Variants in UNC79 observed in about 807,000 individuals in gnomAD.
The protein encoded by UNC79 is protein unc-79 homolog.
In UNC79, 37 loss-of-function variants were observed where a neutral mutation model predicts 283.1. The observed-to-expected ratio is 0.13, with a 90% CI of 0.10 to 0.17. The LOEUF (loss-of-function observed/expected upper bound fraction) is 0.17, where lower values mean the gene tolerates loss of function less well. UNC79 is among the 10% of genes least tolerant of loss of function. UNC79 has a pLI of 1.00. For synonymous variants in UNC79, 1,107 were observed against 1,200.2 expected, an observed-to-expected ratio of 0.92 and a Z score of 1.61; for missense variants, 2,272 against 3,211.1, an observed-to-expected ratio of 0.71 and a Z score of 7.07.
At position 93,424,149 on chromosome 14, in the gene UNC79, C is replaced by G. The variant is rs572281240; in HGVS notation, c.-350-43522C>G. On this transcript the variant is annotated intron_variant, in intron 1 of 49. Transcript: ENST00000256339. ...CATTGATCATTAGATAAATGCAAAT[C>G]AAAACTACAATGAGATATCATCTCA... 7.9e-5 allele frequency among the ~76,000 whole-genome samples: 12 copies of G among 152,212 alleles called. No individual in the cohort carries two copies. The South Asian group carries it at 2.1e-3, about 26-fold the overall frequency.
chr14:93,551,758 T>A (rs2061913487), intron 14 of UNC79, among the ~76,000 whole-genome samples: 1 of 152,228 alleles, frequency 6.6e-6, no homozygotes, highest in South Asian at 2.1e-4. Context: ...AATGCTCTAG[T>A]GGGTGTGAGC....
chr14:93,666,444 C>G (rs752029893), intron 40 of UNC79, among the ~76,000 whole-genome samples: 1 of 151,942 alleles, frequency 6.6e-6, no homozygotes, highest in Non-Finnish European at 1.5e-5. Context: ...AAAGATATAC[C>G]AGACTAATAC....
intron 1 of UNC79, among the ~76,000 whole-genome samples, chr14:93,346,421 G>A (rs868821369): frequency 6.6e-6 from 1 of 152,228 alleles, no homozygotes; most frequent in Admixed American, 6.5e-5. Flanking sequence ...GCTGAGACAA[G>A]AGGATGGCTT....
chr14:93,476,195 G>A (rs763038358), intron 3 of UNC79, among the ~76,000 whole-genome samples: 18 of 152,064 alleles, frequency 1.2e-4, no homozygotes, highest in Non-Finnish European at 1.9e-4. Context: ...CACTAAGACC[G>A]GAGGCTGTGT....
chr14:93,583,189 C>T (rs1224546278), intron 20 of UNC79, among the ~76,000 whole-genome samples: 1 of 151,992 alleles, frequency 6.6e-6, no homozygotes. Context: ...AGTGTGGTGG[C>T]TCATGCCTGT....
Position 93,617,570 on chromosome 14 carries a change from C to G in UNC79, c.4224+266C>G, listed in dbSNP as rs1478894431. On this transcript the variant is annotated intron_variant, in intron 28 of 48. Coordinates refer to ENST00000555664, the Ensembl canonical transcript of UNC79. This position sits in a 1 kb window ranked among gnomAD's most constrained non-coding sequence, Gnocchi z 4.5. The stretch of plus-strand genomic sequence containing the variant: ...CTGATCAAGAACCTCTGTTTATACT[C>G]AGTCTTGTATTTTGTCTAAGTATTA... 6.6e-6 allele frequency among the ~76,000 whole-genome samples: 1 copy of G among 152,132 alleles called. No individual in the cohort carries two copies. Among genetic ancestry groups the G allele is most frequent in the African/African-American group, 2.4e-5 (1 of 41,440 alleles).
At chr14:93,704,856 A>C (rs2075764414) in intron 48 of UNC79, among the ~76,000 whole-genome samples, 190 bp downstream of exon 51, 1 of 152,076 alleles carries the variant, frequency 6.6e-6, no homozygotes, top group South Asian at 2.1e-4. Context: ...GGCAGCAGGA[A>C]CCATTGTCCT....
In UNC79 at chr14:93,690,291, A is replaced by G; in HGVS notation, c.7260A>G (p.Pro2420=). 1 of 1,613,648 alleles carries G rather than the reference A, an allele frequency of 6.2e-7. No individual in the cohort carries two copies. The highest frequency in any genetic ancestry group is 8.5e-7 in the Non-Finnish European group (1 of 1,179,788). The change falls in exon 45 of 49, where the codon CCA becomes CCG. Residue 2420 remains proline, a synonymous_variant. Coordinates refer to ENST00000555664, the Ensembl canonical transcript of UNC79. This position sits in a 1 kb window ranked among gnomAD's most constrained non-coding sequence, Gnocchi z 4.3. ...TTATTGTTATCCTGATTGGATTTCC[A>G]GAGCAATCAAAGGTAAGTGATTTCT...
intron 1 of UNC79, among the ~76,000 whole-genome samples, chr14:93,357,051 TTGTTTCCATGTGTACCCCA>T (rs2054100394): frequency 6.6e-6 from 1 of 152,168 alleles, no homozygotes; most frequent in Non-Finnish European, 1.5e-5. Context: ...TCTTGTTCCT[TTGTTTCCATGTGTACCCCA>T]TGTTTCACTC....
intron 1 of UNC79, among the ~76,000 whole-genome samples, chr14:93,340,456 AAAAAAAAAG>A (rs2053682124): frequency 6.7e-6 from 1 of 148,304 alleles, no homozygotes. Flanking sequence ...AAAAAAAAAA[AAAAAAAAAG>A]AAGGCCACCT....
intron 4 of UNC79, among the ~76,000 whole-genome samples, chr14:93,483,280 A>G (rs760604555): frequency 1.3e-5 from 2 of 152,132 alleles, no homozygotes; most frequent in African/African-American, 4.8e-5. Flanking sequence ...TGTCTACAGA[A>G]CTTCCTGTAA....
At chr14:93,576,798 A>C (rs750068192) in intron 17 of UNC79, among the ~76,000 whole-genome samples, 1 of 152,118 alleles carries the variant, frequency 6.6e-6, no homozygotes, top group Non-Finnish European at 1.5e-5. Flanking sequence ...AGAGGGGAGA[A>C]ATACTCCTGC....
At chr14:93,496,526 A>C in intron 6 of UNC79, 60 bp downstream of exon 6, 1 of 1,224,038 alleles carries the variant, frequency 8.2e-7, no homozygotes, top group East Asian at 2.7e-5. Context: ...ATACAGTAAA[A>C]ACTGTTTACG....
chr14:93,389,170 C>T (rs1467888290), intron 1 of UNC79, among the ~76,000 whole-genome samples: 2 of 152,060 alleles, frequency 1.3e-5, no homozygotes, highest in Non-Finnish European at 2.9e-5. Flanking sequence ...GATGGCTCCT[C>T]AAGGCAATAT....
intron 1 of UNC79, among the ~76,000 whole-genome samples, chr14:93,418,186 G>A (rs1291184992): frequency 1.3e-5 from 2 of 151,734 alleles, no homozygotes; most frequent in African/African-American, 4.8e-5. Context: ...GTGATGTACA[G>A]ATGGGTTTTT....
At chr14:93,470,073 G>C (rs918254333) in intron 2 of UNC79, among the ~76,000 whole-genome samples, 1 of 924 alleles carries the variant, frequency 1.1e-3, no homozygotes, top group African/African-American at 0.012. Flanking sequence ...TCAGAACTCA[G>C]GTTCTTGGGG....
chr14:93,397,339 C>T (rs10146473), intron 1 of UNC79: 82,350 of 152,038 alleles, frequency 0.54, 22,891 homozygotes, highest in Admixed American at 0.65. Context: ...AACATTCAGA[C>T]AACTTATCTG....
chr14:93,641,896 AG>A (rs1292073328), intron 33 of UNC79, among the ~76,000 whole-genome samples: 1 of 152,144 alleles, frequency 6.6e-6, no homozygotes, highest in Non-Finnish European at 1.5e-5. Flanking sequence ...GCAGTGAATA[AG>A]TCTCATGAGA....
intron 32 of UNC79, among the ~76,000 whole-genome samples, chr14:93,640,186 C>G (rs2068894263): frequency 6.6e-6 from 1 of 152,174 alleles, no homozygotes; most frequent in Non-Finnish European, 1.5e-5. Flanking sequence ...CATCCCTGGA[C>G]CATGTTGCTA....
Sources: allele counts gnomAD v4.1 joint callset (sites outside exome capture counted in the v4.1 genomes callset), GRCh38; gene constraint gnomAD v4.1.1; non-coding constraint Gnocchi (gnomAD v3.1); transcripts MANE v1.5; gene names NCBI Gene and HGNC (gene_info 2026-07-23, HGNC 2026-07-21).